The following LDLRAD4 variants were observed in gnomAD, a reference collection of about 807,000 sequenced individuals.
LDLRAD4 encodes the protein low density lipoprotein receptor class A domain containing 4.
In LDLRAD4, 5 loss-of-function variants were observed where a neutral mutation model predicts 17.0. The observed-to-expected ratio is 0.29, with a 90% CI of 0.15 to 0.62. The LOEUF is 0.62. Among genes scored for constraint, LDLRAD4 ranks in the 20% least tolerant of loss-of-function variants. The pLI is 0.84. For missense variants in LDLRAD4, 340 were observed against 424.7 expected, an observed-to-expected ratio of 0.80 and a Z score of 1.75; for synonymous variants, 168 against 171.8, an observed-to-expected ratio of 0.98 and a Z score of 0.17.
At chr18:13,447,859 C>T (rs991198995) in intron 3 of LDLRAD4, among the ~76,000 whole-genome samples, 5 of 152,150 alleles carry the variant, frequency 3.3e-5, no homozygotes, top group Non-Finnish European at 5.9e-5. Flanking sequence ...TCTGCCTGAG[C>T]GAAGCCCTGG....
At chr18:13,530,036 A>G (rs1044272425) in intron 3 of LDLRAD4, among the ~76,000 whole-genome samples, 1 of 152,220 alleles carries the variant, frequency 6.6e-6, no homozygotes, top group Non-Finnish European at 1.5e-5. Context: ...ATCCTCAAAT[A>G]TGTGTCCTTA....
rs551516729 is a variant in LDLRAD4 at position 13,643,305 on chromosome 18, T to C, written c.337-54T>C. The C allele has an allele frequency of 5.9e-6, 7 of 1,191,318 alleles. No homozygotes were observed. In the South Asian group the frequency reaches 1.0e-4, roughly 17 times the overall value. The allele number at this position is 1,191,318 out of a possible 1,614,324, so 73.8% of individuals were successfully genotyped here. ...ATGTTTTTAGGTGCGGCGGGGCTAA[T>C]GATTTTCCTCTGTTTCTTGTTCCCC... On this transcript the variant is annotated intron_variant, in intron 4 of 5. Coordinates refer to ENST00000359446, the Ensembl canonical transcript of LDLRAD4.
intron 3 of LDLRAD4, among the ~76,000 whole-genome samples, chr18:13,505,547 C>A (rs372109240): frequency 2.6e-5 from 4 of 152,232 alleles, no homozygotes; most frequent in South Asian, 4.2e-4. Context: ...TTGCCAGGCA[C>A]GGTGGCTCAC....
intron 1 of LDLRAD4, among the ~76,000 whole-genome samples, chr18:13,243,644 C>T (rs936706428): frequency 6.6e-6 from 1 of 150,784 alleles, no homozygotes; most frequent in South Asian, 2.1e-4. Flanking sequence ...GCACATTCAT[C>T]CATCGATTTA....
intron 1 of LDLRAD4, among the ~76,000 whole-genome samples, chr18:13,280,394 A>G (rs1045896713): frequency 6.6e-6 from 1 of 152,208 alleles, no homozygotes; most frequent in Non-Finnish European, 1.5e-5. Flanking sequence ...TCAGCATTCC[A>G]TGCACAGTCG....
At chr18:13,245,932 C>G (rs552043357) in intron 1 of LDLRAD4, among the ~76,000 whole-genome samples, 24 of 152,354 alleles carry the variant, frequency 1.6e-4, no homozygotes, top group African/African-American at 5.5e-4. Flanking sequence ...CAGAGCATCA[C>G]TCGGGGCTCA....
At chr18:13,267,382 G>A (rs1817670479) in intron 1 of LDLRAD4, among the ~76,000 whole-genome samples, 2 of 152,204 alleles carry the variant, frequency 1.3e-5, no homozygotes, top group African/African-American at 4.8e-5. Context: ...TGGAAGAGTG[G>A]TCTATCTCAT....
At chr18:13,575,146 T>G (rs946365509) in intron 3 of LDLRAD4, among the ~76,000 whole-genome samples, 1 of 152,202 alleles carries the variant, frequency 6.6e-6, no homozygotes, top group Non-Finnish European at 1.5e-5. Context: ...TATTTAGTGG[T>G]GATTTGTGAG....
chr18:13,325,615 G>A (rs2081482344), intron 1 of LDLRAD4, among the ~76,000 whole-genome samples: 1 of 152,204 alleles, frequency 6.6e-6, no homozygotes, highest in Non-Finnish European at 1.5e-5. Context: ...CTCTCCGCGT[G>A]GGCAACGCTG....
intron 1 of LDLRAD4, among the ~76,000 whole-genome samples, chr18:13,265,906 T>A (rs963118827): frequency 6.6e-6 from 1 of 152,134 alleles, no homozygotes; most frequent in Non-Finnish European, 1.5e-5. Context: ...GGTGGGTCCC[T>A]CTTCTCCTCC....
intron 1 of LDLRAD4, among the ~76,000 whole-genome samples, chr18:13,226,738 TAAAATAAAATAAA>T (rs2145431312): frequency 6.6e-6 from 1 of 151,396 alleles, no homozygotes; most frequent in East Asian, 1.9e-4. Flanking sequence ...TAAAATAAAA[TAAAATAAAATAAA>T]ATAAAATAGA....
chr18:13,547,968 G>A (rs1344078371), intron 3 of LDLRAD4, among the ~76,000 whole-genome samples: 3 of 152,182 alleles, frequency 2.0e-5, no homozygotes, highest in Admixed American at 6.5e-5. Context: ...CCAGAAGAAC[G>A]AGGTACCCAG....
At chr18:13,353,832 T>G (rs2083183319) in intron 1 of LDLRAD4, among the ~76,000 whole-genome samples, 1 of 152,256 alleles carries the variant, frequency 6.6e-6, no homozygotes, top group Non-Finnish European at 1.5e-5. Context: ...ATGTGGCTTC[T>G]TCAGTAGGCA....
At chr18:13,232,355 C>G (rs1401255158) in intron 1 of LDLRAD4, among the ~76,000 whole-genome samples, 2 of 152,342 alleles carry the variant, frequency 1.3e-5, no homozygotes, top group East Asian at 3.9e-4. Flanking sequence ...GGCCTGTGCC[C>G]CTTTTTGCCT....
In LDLRAD4 at chr18:13,482,053, G is replaced by A. The variant is rs182925350; in HGVS notation, c.181+43669G>A. Reference sequence around the variant, plus strand: ...TCCAGACTGAGGAGGGAGAGTGAGCGTCTCTGTGGCCGAGGTGGACAGTGG... The same window carrying A: ...TCCAGACTGAGGAGGGAGAGTGAGCATCTCTGTGGCCGAGGTGGACAGTGG... On this transcript the variant is annotated intron_variant, in intron 3 of 5. Coordinates refer to ENST00000359446, the Ensembl canonical transcript of LDLRAD4. Among the ~76,000 whole-genome samples, 290 of 152,202 alleles carry A rather than the reference G, an allele frequency of 1.9e-3. 1 individual carries two copies. Among genetic ancestry groups the A allele is most frequent in the Admixed American group, 7.2e-3 (110 of 15,300 alleles).
intron 2 of LDLRAD4, among the ~76,000 whole-genome samples, chr18:13,401,700 T>C (rs1349151504): frequency 2.0e-5 from 3 of 152,348 alleles, no homozygotes; most frequent in South Asian, 2.1e-4. Flanking sequence ...AGATGCAGGC[T>C]GCAGCCATTT....
intron 3 of LDLRAD4, among the ~76,000 whole-genome samples, chr18:13,609,279 G>C (rs1187196748): frequency 1.3e-5 from 2 of 152,232 alleles, no homozygotes; most frequent in Non-Finnish European, 2.9e-5. Context: ...GCCAGGGTGA[G>C]CTGTGTATCA....
chr18:13,232,287 A>G (rs4797746), intron 1 of LDLRAD4, among the ~76,000 whole-genome samples: 133,265 of 152,250 alleles, frequency 0.88, 58,481 homozygotes, highest in East Asian at 0.95. Context: ...GCCAGCAGTG[A>G]GGTGGATCTG....
intron 3 of LDLRAD4, among the ~76,000 whole-genome samples, chr18:13,453,650 GGT>G (rs1212351088): frequency 6.6e-6 from 1 of 152,186 alleles, no homozygotes; most frequent in Non-Finnish European, 1.5e-5. Flanking sequence ...ATTATTTTCA[GGT>G]GTCTGAGAGA....
Sources: gnomAD v4.1 joint callset for allele counts (sites outside exome capture counted in the v4.1 genomes callset) on GRCh38, gnomAD v4.1.1 for gene constraint, MANE v1.5 for transcripts, NCBI Gene and HGNC (gene_info 2026-07-23, HGNC 2026-07-21) for gene names.